The following RIC3 variants were observed in gnomAD, a reference collection of about 807,000 sequenced individuals.
The protein encoded by RIC3 is RIC3 acetylcholine receptor chaperone.
In RIC3, 28 loss-of-function variants were observed where a neutral mutation model predicts 27.3. The ratio of observed to expected loss-of-function variants is 1.02; its 90% CI spans 0.76 to 1.41. The LOEUF is 1.41. RIC3 is among the 40% of genes most tolerant of loss of function. The pLI is 0.00. For synonymous variants in RIC3, 184 were observed against 160.4 expected, an observed-to-expected ratio of 1.15 and a Z score of -1.11; for missense variants, 501 against 444.7, an observed-to-expected ratio of 1.13 and a Z score of -1.14.
At position 8,163,069 on chromosome 11, in the gene RIC3, C is replaced by CACACACA. The variant is rs1565138023; in HGVS notation, c.124+5796_124+5797insTGTGTGT. ...CACACACATACACACACACACACAC[C>CACACACA]CCCCAAAACACTTTAAGAACTGCCT... On this transcript the variant is annotated intron_variant, in intron 1 of 5. Transcript: ENST00000309737. Among the ~76,000 whole-genome samples, 20 of 138,262 alleles carry CACACACA rather than the reference C, an allele frequency of 1.4e-4. 1 individual carries two copies. The highest frequency in any genetic ancestry group is 3.5e-3 in the Middle Eastern group (1 of 286). 90.7% of individuals were successfully genotyped at this position (138,262 alleles called of 152,430 possible).
chr11:8,152,742 C>T (rs944113143), intron 1 of RIC3, among the ~76,000 whole-genome samples: 4 of 151,612 alleles, frequency 2.6e-5, no homozygotes, highest in East Asian at 1.9e-4. Context: ...ATGTAAATTA[C>T]GTCTCAATAA....
Position 8,108,269 on chromosome 11 carries a change from C to T in RIC3, c.*2429G>A, listed in dbSNP as rs545767299. The T allele has an allele frequency of 2.1e-4, 32 of 152,298 alleles. No individual in the cohort carries two copies. Among genetic ancestry groups the T allele is most frequent in the Admixed American group, 5.9e-4 (9 of 15,300 alleles). The allele number at this position is 152,298 out of a possible 1,614,324, so 9.4% of individuals were successfully genotyped here. A position where few individuals can be genotyped will look rare whatever the true frequency, so the allele number is the denominator to read the frequency against. On this transcript the variant is annotated 3_prime_UTR_variant, in exon 6 of 6. Transcript: ENST00000309737. ...CACACCCTACTGCTTTTTTCAACAA[C>T]TCTTTCTGCCAAGAGTGTCCTCTCT...
intron 5 of RIC3, among the ~76,000 whole-genome samples, chr11:8,113,457 C>A (rs1279217840): frequency 6.6e-6 from 1 of 152,116 alleles, no homozygotes; most frequent in Non-Finnish European, 1.5e-5. Context: ...ATCAGGCCAG[C>A]AACTATGGCC....
At chr11:8,097,188 G>T in the RIC3 span, 1 of 1,610,658 alleles carries the variant, frequency 6.2e-7, no homozygotes, top group South Asian at 1.1e-5. Flanking sequence ...GGGCTGCTTA[G>T]GGTCCTTGGG....
In RIC3 at chr11:8,111,202, C is replaced by G. The variant is rs1254603190; in HGVS notation, c.671-65G>C. 6.0e-6 allele frequency: 7 copies of G among 1,171,978 alleles called. 1 individual carries two copies. The highest frequency in any genetic ancestry group is 8.5e-6 in the Non-Finnish European group (7 of 827,032). The allele number at this position is 1,171,978 out of a possible 1,614,324, so 72.6% of individuals were successfully genotyped here. On this transcript the variant is annotated intron_variant, in intron 5 of 5. Coordinates refer to ENST00000309737, the MANE Select transcript of RIC3 (RefSeq NM_001206671.4). ...TCCTCAAAAAAAAAAAAAATAGTGT[C>G]AGGTTCAAAGAGGATTCTCAGGCAG...
intron 1 of RIC3, among the ~76,000 whole-genome samples, chr11:8,164,576 G>T (rs995538436): frequency 6.6e-6 from 1 of 152,006 alleles, no homozygotes; most frequent in African/African-American, 2.4e-5. Flanking sequence ...AGAAGTTCAA[G>T]ACCAGCCTGG....
the RIC3 span, chr11:8,096,633 G>C: frequency 8.2e-7 from 1 of 1,217,732 alleles, no homozygotes; most frequent in Non-Finnish European, 1.2e-6. Context: ...GTATTTCAGG[G>C]GCAGCGTAGA....
At chr11:8,135,096 T>C (rs1948229306) in intron 4 of RIC3, among the ~76,000 whole-genome samples, 2 of 152,214 alleles carry the variant, frequency 1.3e-5, no homozygotes, top group South Asian at 4.1e-4. Flanking sequence ...GGTTTTCTTC[T>C]AGGGTTTTTA....
chr11:8,156,272 G>A (rs1373056128), intron 1 of RIC3, among the ~76,000 whole-genome samples: 1 of 152,194 alleles, frequency 6.6e-6, no homozygotes, highest in Non-Finnish European at 1.5e-5. Flanking sequence ...GCAGAATGGA[G>A]GTAGCAGAGT....
rs1244571888 is a variant in RIC3, at chr11:8,106,290, C to G, written c.*4408G>C. ...AAGGGGAAAAAAGCCCTGTTTACTTCCTAATTTTTTTCTATACCTTTCATT... is the reference window on the plus strand; with the variant it reads ...AAGGGGAAAAAAGCCCTGTTTACTTGCTAATTTTTTTCTATACCTTTCATT... On this transcript the variant is annotated 3_prime_UTR_variant, in exon 6 of 6. Coordinates refer to ENST00000309737, the MANE Select transcript of RIC3 (RefSeq NM_001206671.4). 6.6e-6 allele frequency: 1 copy of G among 152,172 alleles called. No individual in the cohort carries two copies. Among genetic ancestry groups the G allele is most frequent in the Non-Finnish European group, 1.5e-5 (1 of 68,030 alleles). 9.4% of individuals were successfully genotyped at this position (152,172 alleles called of 1,614,324 possible). A position where few individuals can be genotyped will look rare whatever the true frequency, so the allele number is the denominator to read the frequency against.
chr11:8,098,597 T>G, the RIC3 span, among the ~76,000 whole-genome samples: 5 of 152,190 alleles, frequency 3.3e-5, no homozygotes, highest in African/African-American at 1.2e-4. Flanking sequence ...GCCCACGAAG[T>G]GTCTTCAAAG....
At chr11:8,141,610 A>T (rs1949080398) in intron 1 of RIC3, among the ~76,000 whole-genome samples, 1 of 151,388 alleles carries the variant, frequency 6.6e-6, no homozygotes, top group South Asian at 2.1e-4. Context: ...TCAACATTAG[A>T]CAGATCAACG....
intron 5 of RIC3, among the ~76,000 whole-genome samples, chr11:8,125,345 A>G (rs1049305333): frequency 1.3e-5 from 2 of 152,158 alleles, no homozygotes; most frequent in African/African-American, 4.8e-5. Context: ...AGATGCTGTT[A>G]AGAAAATATA....
rs1005091363 is a variant in RIC3, at chr11:8,160,879, A to C, written c.124+7987T>G. ...AAAGAAGACTGAAGAAAGGGACATA[A>C]TACTACTTTTCCAATTCCTGGATTA... On this transcript the variant is annotated intron_variant, in intron 1 of 5. Transcript: ENST00000309737. Among the ~76,000 whole-genome samples, 3 of 152,234 alleles carry C rather than the reference A, an allele frequency of 2.0e-5. No homozygotes were observed. In the East Asian group the frequency reaches 5.8e-4, roughly 29 times the overall value.
chr11:8,103,253 C>T (rs1183784182), downstream of RIC3: 1 of 152,232 alleles, frequency 6.6e-6, no homozygotes, highest in African/African-American at 2.4e-5. Flanking sequence ...GGCTTGGGAA[C>T]TGTAAGCTCA....
chr11:8,124,105 G>GAAAAAGAAAA (rs1164141566), intron 5 of RIC3, among the ~76,000 whole-genome samples: 1 of 147,378 alleles, frequency 6.8e-6, no homozygotes, highest in Non-Finnish European at 1.5e-5. Context: ...AAAAGAAAAA[G>GAAAAAGAAAA]AGAAAGCAAG....
At chr11:8,102,423 T>G (rs552204718), downstream of RIC3, 1 of 152,216 alleles carries the variant, frequency 6.6e-6, no homozygotes, top group Non-Finnish European at 1.5e-5. Flanking sequence ...GGATCAGGGT[T>G]GTTCTGGGAG....
At chr11:8,097,765 C>G in the RIC3 span, 1 of 1,614,060 alleles carries the variant, frequency 6.2e-7, no homozygotes. Context: ...TTCCAATTAC[C>G]TCATCTCTGT....
intron 1 of RIC3, among the ~76,000 whole-genome samples, chr11:8,143,938 C>G (rs1163726648): frequency 6.6e-6 from 1 of 152,178 alleles, no homozygotes; most frequent in Non-Finnish European, 1.5e-5. Flanking sequence ...AAAGGATTCC[C>G]TATTTAATAA....
Sources: gnomAD v4.1 joint callset for allele counts (sites outside exome capture counted in the v4.1 genomes callset) on GRCh38, gnomAD v4.1.1 for gene constraint, MANE v1.5 for transcripts, NCBI Gene and HGNC (gene_info 2026-07-23, HGNC 2026-07-21) for gene names.